The following SDK2 variants were observed in gnomAD, a reference collection of about 807,000 sequenced individuals.
SDK2 encodes the protein sidekick cell adhesion molecule 2.
SDK2 carries 105 observed loss-of-function variants against 253.9 expected under a neutral mutation model. The observed-to-expected ratio is 0.41, with a 90% CI of 0.35 to 0.49. The LOEUF (loss-of-function observed/expected upper bound fraction) is 0.49, where lower values mean the gene tolerates loss of function less well. SDK2 is among the 20% of genes least tolerant of loss of function. The pLI, the probability that SDK2 is intolerant of heterozygous loss-of-function variation, is 0.06. For synonymous variants in SDK2, 1,249 were observed against 1,234.9 expected, an observed-to-expected ratio of 1.01 and a Z score of -0.24; for missense variants, 2,608 against 3,003.0, an observed-to-expected ratio of 0.87 and a Z score of 3.07.
rs370779873 is a variant in SDK2 at position 73,572,911 on chromosome 17, C to A, written c.65-65314G>T. Among the ~76,000 whole-genome samples, 14 of 152,306 alleles carry A rather than the reference C, an allele frequency of 9.2e-5. No individual in the cohort carries two copies. The East Asian group carries it at 1.5e-3, about 17-fold the overall frequency. On this transcript the variant is annotated intron_variant, in intron 1 of 44. Transcript: ENST00000392650. Reference sequence around the variant, plus strand: ...GGAGCCTCCCAGCGCCGTCAAACACCCAGCATGCTCACTTGTAATGGCGCC... The same window carrying A: ...GGAGCCTCCCAGCGCCGTCAAACACACAGCATGCTCACTTGTAATGGCGCC...
chr17:73,636,680 C>CAAAAAA (rs561026344), intron 1 of SDK2, among the ~76,000 whole-genome samples: 44 of 50,918 alleles, frequency 8.6e-4, no homozygotes, highest in East Asian at 3.0e-3. Flanking sequence ...GACTCTGTCT[C>CAAAAAA]AAAAAAAAAA....
chr17:73,593,098 G>A (rs917910571), intron 1 of SDK2, among the ~76,000 whole-genome samples: 13 of 151,996 alleles, frequency 8.6e-5, no homozygotes, highest in African/African-American at 2.4e-4. Context: ...CGCAAATGCC[G>A]TCCCTCCTCC....
intron 2 of SDK2, among the ~76,000 whole-genome samples, chr17:73,492,319 G>C (rs1490921349): frequency 6.6e-6 from 1 of 152,086 alleles, no homozygotes; most frequent in African/African-American, 2.4e-5. Context: ...CGGCCGGCAC[G>C]CTCCTGCAGG....
chr17:73,555,133 G>A (rs1567840288), intron 1 of SDK2, among the ~76,000 whole-genome samples: 1 of 152,258 alleles, frequency 6.6e-6, no homozygotes, highest in Non-Finnish European at 1.5e-5. Context: ...GCAGCCCCGA[G>A]CTGGGCTATG....
At chr17:73,394,455 A>G in intron 25 of SDK2, 131 bp from the exon 26 acceptor site, 1 of 496,964 alleles carries the variant, frequency 2.0e-6, no homozygotes, top group Non-Finnish European at 3.5e-6. Context: ...AACGTGGCAC[A>G]CATGGTCCCC....
In SDK2 at chr17:73,419,654, G is replaced by C. The variant is rs944201335; in HGVS notation, c.2046-348C>G. Among the ~76,000 whole-genome samples the C allele has an allele frequency of 4.0e-5, 6 of 149,860 alleles. No individual in the cohort carries two copies. The Admixed American group carries it at 4.0e-4, about 10-fold the overall frequency. On this transcript the variant is annotated intron_variant, in intron 15 of 44. Transcript: ENST00000392650. The stretch of plus-strand genomic sequence containing the variant: ...GGAGGCTGAGGCAAGAGGATTGCTT[G>C]AGGGCCAGAGTTCAAAACCAGCCTG...
intron 1 of SDK2, among the ~76,000 whole-genome samples, chr17:73,602,313 G>A (rs1183874369): frequency 6.6e-6 from 1 of 152,144 alleles, no homozygotes; most frequent in Non-Finnish European, 1.5e-5. Context: ...GGAAGAAAGC[G>A]AGGGCTGCGA....
chr17:73,391,776 C>A (rs926186960), intron 27 of SDK2, among the ~76,000 whole-genome samples: 1 of 152,232 alleles, frequency 6.6e-6, no homozygotes, highest in African/African-American at 2.4e-5. Flanking sequence ...CCTGAGGCTC[C>A]AGCTTCCTCT....
At chr17:73,583,690 G>T (rs2045566733) in intron 1 of SDK2, among the ~76,000 whole-genome samples, 1 of 115,076 alleles carries the variant, frequency 8.7e-6, no homozygotes, top group African/African-American at 3.9e-5. Context: ...GAGGGAAGAT[G>T]CAGGGCCAAG....
intron 12 of SDK2, among the ~76,000 whole-genome samples, chr17:73,424,850 TC>T (rs1016624444): frequency 1.4e-4 from 22 of 152,264 alleles, no homozygotes; most frequent in African/African-American, 5.1e-4. Context: ...AGCTGCTGGC[TC>T]CCAGGACTAT....
At chr17:73,565,352 G>C (rs902443916) in intron 1 of SDK2, among the ~76,000 whole-genome samples, 4 of 152,214 alleles carry the variant, frequency 2.6e-5, no homozygotes, top group African/African-American at 9.6e-5. Context: ...GTCAACCACA[G>C]GGGAGAGCAA....
Position 73,619,434 on chromosome 17 carries a change from T to C in SDK2, c.64+24591A>G, listed in dbSNP as rs1469188544. On this transcript the variant is annotated intron_variant, in intron 1 of 44. Transcript: ENST00000392650. ...CCGGTGTAACAGAACAGAGAGTCTA[T>C]ATGCATCTATGGCCAACTGATTTTT... 4.6e-5 allele frequency among the ~76,000 whole-genome samples: 7 copies of C among 152,290 alleles called. No individual in the cohort carries two copies. The East Asian group carries it at 1.4e-3, about 29-fold the overall frequency.
intron 1 of SDK2, among the ~76,000 whole-genome samples, chr17:73,595,828 G>C (rs766500489): frequency 2.6e-5 from 4 of 152,326 alleles, no homozygotes; most frequent in Non-Finnish European, 5.9e-5. Flanking sequence ...AGGCAGCCAG[G>C]GGGGCTGAGA....
At chr17:73,582,380 C>T (rs1011451530) in intron 1 of SDK2, among the ~76,000 whole-genome samples, 1 of 152,202 alleles carries the variant, frequency 6.6e-6, no homozygotes, top group African/African-American at 2.4e-5. Flanking sequence ...TGGGGGTGCA[C>T]ACCACGCAGG....
chr17:73,402,412 G>T (rs1013740157), intron 18 of SDK2, among the ~76,000 whole-genome samples: 2 of 152,232 alleles, frequency 1.3e-5, no homozygotes, highest in Non-Finnish European at 2.9e-5. Flanking sequence ...TTCTCACAGA[G>T]ACCCAGGAGG....
chr17:73,351,118 T>C (rs1324532144), intron 41 of SDK2, among the ~76,000 whole-genome samples: 1 of 151,924 alleles, frequency 6.6e-6, no homozygotes, highest in Non-Finnish European at 1.5e-5. Flanking sequence ...TCCCCTTTTT[T>C]TTTTTTTTGA....
At chr17:73,367,511 T>C (rs2062695785) in intron 37 of SDK2, among the ~76,000 whole-genome samples, 1 of 151,262 alleles carries the variant, frequency 6.6e-6, no homozygotes, top group Non-Finnish European at 1.5e-5. Flanking sequence ...TTGTCTTTTT[T>C]TTTTTTGGGA....
chr17:73,468,679 T>C (rs1259837763), intron 3 of SDK2, among the ~76,000 whole-genome samples: 1 of 147,766 alleles, frequency 6.8e-6, no homozygotes, highest in Non-Finnish European at 1.5e-5. Flanking sequence ...GCCTGGCTAA[T>C]TTTTTTTTTA....
At chr17:73,628,584 G>C (rs1345754083) in intron 1 of SDK2, among the ~76,000 whole-genome samples, 1 of 152,214 alleles carries the variant, frequency 6.6e-6, no homozygotes, top group Non-Finnish European at 1.5e-5. Flanking sequence ...AGTGTCTGGG[G>C]CTGGTGTGGC....
Sources: gnomAD v4.1 joint callset for allele counts (sites outside exome capture counted in the v4.1 genomes callset) on GRCh38, gnomAD v4.1.1 for gene constraint, MANE v1.5 for transcripts, NCBI Gene and HGNC (gene_info 2026-07-23, HGNC 2026-07-21) for gene names.